Variants in NBAS observed in about 807,000 individuals in gnomAD.
NBAS encodes NBAS subunit of NRZ tethering complex, also known as NAG/BC035112 fusion.
In NBAS, 219 loss-of-function variants were observed where a neutral mutation model predicts 302.5. The observed-to-expected ratio is 0.72, with a 90% confidence interval of 0.65 to 0.81. The LOEUF is 0.81. Ranked by LOEUF, NBAS falls within the 30% of genes least tolerant of loss-of-function variation. The pLI is 0.00. For synonymous variants in NBAS, 1,118 were observed against 1,021.6 expected (o/e 1.09, Z -1.80); for missense variants, 2,932 against 2,841.6 (o/e 1.03, Z -0.72).
chr2:14,951,122 C>T, the NBAS span, among the ~76,000 whole-genome samples: 1 of 152,190 alleles, frequency 6.6e-6, no homozygotes, highest in African/African-American at 2.4e-5. Flanking sequence ...AGATTTATAC[C>T]ACTTTGCCTC....
intron 10 of NBAS, among the ~76,000 whole-genome samples, chr2:15,505,727 A>T (rs972982903): frequency 6.6e-6 from 1 of 152,356 alleles, no homozygotes; most frequent in Admixed American, 6.5e-5. Context: ...AAAAGTCAAC[A>T]CGTGTCAACA....
At chr2:14,792,209 C>A in the NBAS span, among the ~76,000 whole-genome samples, 4 of 152,148 alleles carry the variant, frequency 2.6e-5, no homozygotes, top group African/African-American at 4.8e-5. Flanking sequence ...ACAGCCCAAA[C>A]GTACAGACAC....
intron 6 of NBAS, among the ~76,000 whole-genome samples, chr2:15,540,752 T>C (rs867629158): frequency 2.4e-4 from 36 of 151,764 alleles, no homozygotes; most frequent in African/African-American, 8.7e-4. Context: ...AGATAGAGTC[T>C]CACTCTGTCA....
At chr2:14,966,111 G>A in the NBAS span, among the ~76,000 whole-genome samples, 5 of 152,202 alleles carry the variant, frequency 3.3e-5, 1 homozygote, top group Admixed American at 3.3e-4. Context: ...AACCACAGCA[G>A]CTAGGAAGAG....
At chr2:15,553,952 AC>A (rs1361465389) in intron 4 of NBAS, 108 bp downstream of exon 4, 28 of 942,220 alleles carry the variant, frequency 3.0e-5, no homozygotes, top group Non-Finnish European at 4.4e-5. Flanking sequence ...AGAAATTTAC[AC>A]ACAATAAAAA....
chr2:15,504,362 G>T (rs1661742326), intron 10 of NBAS, 149 bp from the exon 11 acceptor site: 1 of 721,828 alleles, frequency 1.4e-6, no homozygotes, highest in South Asian at 1.7e-5. Context: ...AAGGATCTTG[G>T]TGAGATTTTG....
At chr2:15,235,733 G>A (rs781256057) in intron 45 of NBAS, among the ~76,000 whole-genome samples, 21 of 152,208 alleles carry the variant, frequency 1.4e-4, no homozygotes, top group African/African-American at 5.1e-4. Flanking sequence ...AGCAAGGTGA[G>A]GGAAGGCAGC....
At chr2:15,521,251 A>T (rs1435865885) in intron 9 of NBAS, among the ~76,000 whole-genome samples, 1 of 152,202 alleles carries the variant, frequency 6.6e-6, no homozygotes, top group Non-Finnish European at 1.5e-5. Context: ...TCTTATAGCA[A>T]CATCTATTCT....
the NBAS span, among the ~76,000 whole-genome samples, chr2:14,914,365 G>A: frequency 6.6e-6 from 1 of 152,200 alleles, no homozygotes; most frequent in Admixed American, 6.5e-5. Flanking sequence ...GGTTGCCCTT[G>A]GGAAGAGACT....
At chr2:15,558,205 CT>C (rs2148719513) in intron 2 of NBAS, among the ~76,000 whole-genome samples, 1 of 152,302 alleles carries the variant, frequency 6.6e-6, no homozygotes, top group Admixed American at 6.5e-5. Context: ...TGCCGCTTAT[CT>C]GACAGGAAGT....
intron 51 of NBAS, among the ~76,000 whole-genome samples, chr2:15,168,975 T>A (rs1664163218): frequency 6.6e-6 from 1 of 152,226 alleles, no homozygotes; most frequent in Non-Finnish European, 1.5e-5. Flanking sequence ...ACTGGGAAAT[T>A]CTTGAAGGCA....
chr2:15,023,108 A>G, the NBAS span, among the ~76,000 whole-genome samples: 1 of 152,090 alleles, frequency 6.6e-6, no homozygotes, highest in Non-Finnish European at 1.5e-5. Flanking sequence ...GTGCATATAC[A>G]TATCTGTATG....
At chr2:14,929,445 T>A in the NBAS span, among the ~76,000 whole-genome samples, 1 of 152,208 alleles carries the variant, frequency 6.6e-6, no homozygotes, top group Admixed American at 6.5e-5. Flanking sequence ...TGGTGCAATC[T>A]CGGCTCACTG....
chr2:15,557,038 CAA>C (rs963209089), intron 2 of NBAS, among the ~76,000 whole-genome samples: 21 of 152,088 alleles, frequency 1.4e-4, no homozygotes, highest in African/African-American at 5.1e-4. Context: ...GTGTGTTATT[CAA>C]AAGTTTCAAG....
At chr2:15,083,412 T>C in the NBAS span, among the ~76,000 whole-genome samples, 1 of 152,210 alleles carries the variant, frequency 6.6e-6, no homozygotes, top group African/African-American at 2.4e-5. Context: ...ATTTTCTTTC[T>C]TTTTCTCCCC....
the NBAS span, among the ~76,000 whole-genome samples, chr2:15,145,204 T>C: frequency 3.3e-5 from 5 of 152,150 alleles, no homozygotes; most frequent in East Asian, 9.6e-4. Context: ...ACATTCTACA[T>C]ACTCTGCTGG....
chr2:14,950,918 T>C, the NBAS span, among the ~76,000 whole-genome samples: 2 of 152,350 alleles, frequency 1.3e-5, no homozygotes, highest in Admixed American at 1.3e-4. Context: ...CCTGTAGTTC[T>C]TGAAGAAACA....
chr2:15,301,634 A>T (rs1369136134), intron 40 of NBAS, among the ~76,000 whole-genome samples: 3 of 152,238 alleles, frequency 2.0e-5, no homozygotes, highest in Non-Finnish European at 4.4e-5. Context: ...TCAGCAAGGC[A>T]GCTTATCCCA....
At chr2:15,046,344 C>G in the NBAS span, among the ~76,000 whole-genome samples, 2 of 152,098 alleles carry the variant, frequency 1.3e-5, no homozygotes, top group Non-Finnish European at 1.5e-5. Context: ...TTCATATAGT[C>G]TTAAAACATT....
Sources: allele counts gnomAD v4.1 joint callset (sites outside exome capture counted in the v4.1 genomes callset), GRCh38; gene constraint gnomAD v4.1.1; transcripts MANE v1.5; gene names NCBI Gene and HGNC (gene_info 2026-07-23, HGNC 2026-07-21).